DCC: variants seen among roughly 807,000 people sequenced by gnomAD.
The protein encoded by DCC is DCC netrin 1 receptor.
In DCC, 58 loss-of-function variants were observed where a neutral mutation model predicts 172.5. That is an observed-to-expected ratio of 0.34 (90% CI 0.27 to 0.42). DCC has a LOEUF of 0.42. Ranked by LOEUF, DCC falls within the 10% of genes least tolerant of loss-of-function variation. The pLI is 1.00. For missense variants in DCC, 1,740 were observed against 1,791.0 expected, an observed-to-expected ratio of 0.97 and a Z score of 0.51; for synonymous variants, 709 against 644.5, an observed-to-expected ratio of 1.10 and a Z score of -1.52.
rs368762429 is a variant in DCC, at chr18:53,533,759, A to T, written c.*3106A>T. On this transcript the variant is annotated 3_prime_UTR_variant, in exon 29 of 29. Coordinates refer to ENST00000442544, the MANE Select transcript of DCC (RefSeq NM_005215.4). ...TTGGGTATTATAAAATGCATACTCA[A>T]TTGAATGAGCTGAAAAAAATACCAA... The T allele has an allele frequency of 7.2e-5, 11 of 152,322 alleles. No individual in the cohort carries two copies. In the East Asian group the frequency reaches 1.7e-3, roughly 24 times the overall value. The allele number at this position is 152,322 out of a possible 1,614,324, so 9.4% of individuals were successfully genotyped here.
At chr18:53,342,714 A>G (rs1407134661) in intron 15 of DCC, among the ~76,000 whole-genome samples, 1 of 146,770 alleles carries the variant, frequency 6.8e-6, no homozygotes, top group Non-Finnish European at 1.5e-5. Flanking sequence ...GAATATACAT[A>G]TATTAGAAAT....
chr18:52,585,226 C>T (rs1056973176), intron 1 of DCC, among the ~76,000 whole-genome samples: 3 of 152,156 alleles, frequency 2.0e-5, no homozygotes, highest in Non-Finnish European at 4.4e-5. Context: ...GGAAGACAGT[C>T]GAATGAGGAG....
At chr18:52,525,119 G>A (rs1046173989) in intron 1 of DCC, among the ~76,000 whole-genome samples, 9 of 151,358 alleles carry the variant, frequency 5.9e-5, no homozygotes, top group Non-Finnish European at 8.8e-5. Context: ...TATTTAGGAG[G>A]CAATTAATCA....
chr18:53,464,337 T>G (rs1441928971), intron 24 of DCC, among the ~76,000 whole-genome samples: 4 of 152,208 alleles, frequency 2.6e-5, no homozygotes, highest in Non-Finnish European at 4.4e-5. Flanking sequence ...AATGTTCAAT[T>G]CAGTGAATAA....
Position 53,526,714 on chromosome 18 carries a change from T to A in DCC, c.4209T>A (p.Pro1403=). ...PLLPVSVPTA[P]EVSEESHKPT... is the part of the protein sequence containing the mutation. ...TTCCTGTGTCTGTGCCAACAGCCCC[T>A]GAAGTGTCTGAGGAGAGCCACAAAC... The change falls in exon 28 of 29, where the codon CCT becomes CCA. Residue 1403 remains proline (P), a synonymous_variant. Transcript: ENST00000442544. 1 of 1,613,542 alleles carries A rather than the reference T, an allele frequency of 6.2e-7. No individual in the cohort carries two copies. Among genetic ancestry groups the A allele is most frequent in the Non-Finnish European group, 8.5e-7 (1 of 1,179,670 alleles).
intron 1 of DCC, among the ~76,000 whole-genome samples, chr18:52,561,959 C>T (rs2033049515): frequency 6.6e-6 from 1 of 152,098 alleles, no homozygotes; most frequent in Non-Finnish European, 1.5e-5. Flanking sequence ...TTTATTATTT[C>T]ACAAGTGTTA....
chr18:53,242,871 GGTGT>G (rs3059140), intron 12 of DCC, among the ~76,000 whole-genome samples: 4,491 of 148,192 alleles, frequency 0.03, 68 homozygotes, highest in African/African-American at 0.041. Flanking sequence ...ATGACAAGTA[GGTGT>G]GTGTGTGTGT....
At chr18:52,879,613 G>A (rs1286009287) in intron 2 of DCC, among the ~76,000 whole-genome samples, 2 of 151,622 alleles carry the variant, frequency 1.3e-5, no homozygotes, top group Non-Finnish European at 2.9e-5. Context: ...TTTACTTTTA[G>A]TAGAGACGGG....
chr18:53,104,149 A>T (rs977203153), intron 7 of DCC, among the ~76,000 whole-genome samples: 1 of 152,046 alleles, frequency 6.6e-6, no homozygotes, highest in African/African-American at 2.4e-5. Context: ...GTGATCTAGA[A>T]CAGATGGCTC....
intron 8 of DCC, 112 bp from the exon 9 acceptor site, chr18:53,178,850 A>G: frequency 1.9e-6 from 2 of 1,038,770 alleles, no homozygotes; most frequent in Admixed American, 1.9e-5. Context: ...AGTCAACATT[A>G]GATGAGTGAG....
At chr18:53,037,593 A>T (rs1377032045) in intron 5 of DCC, among the ~76,000 whole-genome samples, 1 of 151,996 alleles carries the variant, frequency 6.6e-6, no homozygotes, top group African/African-American at 2.4e-5. Flanking sequence ...TGAAGTCCTA[A>T]AATTTACCAG....
intron 1 of DCC, among the ~76,000 whole-genome samples, chr18:52,482,963 A>C (rs958696298): frequency 2.6e-5 from 4 of 152,110 alleles, no homozygotes; most frequent in African/African-American, 9.7e-5. Context: ...ATTTATTTTC[A>C]GCTATGGAAA....
intron 5 of DCC, among the ~76,000 whole-genome samples, chr18:52,984,276 A>G (rs533568594): frequency 6.6e-6 from 1 of 152,270 alleles, no homozygotes; most frequent in Admixed American, 6.5e-5. Context: ...ATTTTTCTCT[A>G]TAGATAAATT....
intron 1 of DCC, among the ~76,000 whole-genome samples, chr18:52,528,708 A>G (rs146474867): frequency 6.6e-6 from 1 of 152,072 alleles, no homozygotes; most frequent in East Asian, 1.9e-4. Flanking sequence ...TCCTACTGTC[A>G]CTGACTTCTA....
intron 28 of DCC, among the ~76,000 whole-genome samples, chr18:53,527,206 C>G (rs2046468332): frequency 7.5e-6 from 1 of 133,936 alleles, no homozygotes; most frequent in Admixed American, 7.6e-5. Context: ...CTTCTTCTTC[C>G]TTTTTTTTTT....
At chr18:53,261,361 C>T (rs554971067) in intron 12 of DCC, among the ~76,000 whole-genome samples, 66 of 152,282 alleles carry the variant, frequency 4.3e-4, no homozygotes, top group East Asian at 2.3e-3. Context: ...CTCGTGAGGA[C>T]GTTTTGTGTC....
chr18:53,417,451 T>TAA (rs113115529), intron 21 of DCC, among the ~76,000 whole-genome samples: 65,479 of 151,940 alleles, frequency 0.43, 15,916 homozygotes, highest in Non-Finnish European at 0.55. Context: ...ATGAGATTTG[T>TAA]AAAAAATATT....
At chr18:52,822,627 A>C (rs1425981660) in intron 2 of DCC, among the ~76,000 whole-genome samples, 2 of 152,262 alleles carry the variant, frequency 1.3e-5, no homozygotes, top group African/African-American at 2.4e-5. Flanking sequence ...GCTACCAGCC[A>C]CATTCAGCAT....
At chr18:52,772,066 A>G (rs1337685604) in intron 2 of DCC, among the ~76,000 whole-genome samples, 2 of 152,020 alleles carry the variant, frequency 1.3e-5, no homozygotes. Flanking sequence ...GTGGTTGTTT[A>G]CTCAATGATA....
Sources: allele counts gnomAD v4.1 joint callset (sites outside exome capture counted in the v4.1 genomes callset), GRCh38; gene constraint gnomAD v4.1.1; transcripts MANE v1.5; gene names NCBI Gene and HGNC (gene_info 2026-07-23, HGNC 2026-07-21).